The following CCDC190 variants were observed in gnomAD, a reference collection of about 807,000 sequenced individuals.
The protein encoded by CCDC190 is coiled-coil domain-containing protein 190.
A neutral mutation model predicts 13.1 loss-of-function variants in CCDC190; 10 were observed. The observed-to-expected ratio is 0.77, with a 90% CI of 0.47 to 1.30. The LOEUF (loss-of-function observed/expected upper bound fraction) is 1.30, where lower values mean the gene tolerates loss of function less well. CCDC190 is among the 50% of genes most tolerant of loss of function. The pLI is 0.00. For synonymous variants in CCDC190, 136 were observed against 127.2 expected, an observed-to-expected ratio of 1.07 and a Z score of -0.47; for missense variants, 375 against 354.3, an observed-to-expected ratio of 1.06 and a Z score of -0.47.
At chr1:162,866,708 T>C (rs1425592221) in intron 1 of CCDC190, among the ~76,000 whole-genome samples, 1 of 152,184 alleles carries the variant, frequency 6.6e-6, no homozygotes, top group Non-Finnish European at 1.5e-5. Context: ...TCTAATGCTA[T>C]AGTCAATAAG....
chr1:162,857,444 G>A (rs1486199025), intron 2 of CCDC190, among the ~76,000 whole-genome samples: 1 of 152,124 alleles, frequency 6.6e-6, no homozygotes, highest in East Asian at 1.9e-4. Context: ...GGAGACATTG[G>A]CTATTTTGTG....
At chr1:162,856,066 A>G in intron 2 of CCDC190, 1 of 193,722 alleles carries the variant, frequency 5.2e-6, no homozygotes. Flanking sequence ...TTTCAGAAGG[A>G]ACCAGCATGT....
chr1:162,868,034 A>G (rs747811049), intron 1 of CCDC190, among the ~76,000 whole-genome samples: 1 of 152,196 alleles, frequency 6.6e-6, no homozygotes, highest in Non-Finnish European at 1.5e-5. Flanking sequence ...TAAGGACTTA[A>G]ACTGTGAATT....
At chr1:162,868,729 T>TGGAGAAACTGAAG (rs369106791) in exon 1 of CCDC190, 97 of 151,646 alleles carry the variant, frequency 6.4e-4, no homozygotes, top group African/African-American at 6.8e-4. Context: ...GGGGGCTCAC[T>TGGAGAAACTGAAG]GCATCTCCTA....
At position 162,859,506 on chromosome 1, in the gene CCDC190, G is replaced by C. The variant is rs1211235026; in HGVS notation, c.141C>G (p.Thr47=). The C allele has an allele frequency of 6.2e-7, 1 of 1,613,686 alleles. No homozygotes were observed. The highest frequency in any genetic ancestry group is 8.5e-7 in the Non-Finnish European group (1 of 1,179,764). ...CTTTTTGGAGCTGCCTCTGCTCCCA[G>C]GTCAGCAATTTCACATGGTAGAGGC... The part of the protein sequence containing the change: ...VICLYHVKLL[T]WEQRQLQKEL... Residue 47 remains threonine (T), a synonymous_variant, in exon 2 of 4, where the codon ACC becomes ACG. Coordinates refer to ENST00000367912, the MANE Select transcript of CCDC190 (RefSeq NM_001394065.1).
chr1:162,868,181 T>G (rs1448319971), intron 1 of CCDC190, among the ~76,000 whole-genome samples: 1 of 152,178 alleles, frequency 6.6e-6, no homozygotes, highest in Non-Finnish European at 1.5e-5. Context: ...AGGATGTATT[T>G]GAAGCAGAAA....
In CCDC190 at chr1:162,861,011, C is replaced by T. The variant is rs928709582; in HGVS notation, c.-16G>A. 9.1e-6 allele frequency: 9 copies of T among 984,766 alleles called. No homozygotes were observed. The African/African-American group carries it at 1.6e-4, about 17-fold the overall frequency. The allele number at this position is 984,766 out of a possible 1,614,324, so 61.0% of individuals were successfully genotyped here. On this transcript the variant is annotated 5_prime_UTR_variant, in exon 1 of 4. Coordinates refer to ENST00000367912, the MANE Select transcript of CCDC190 (RefSeq NM_001394065.1). Reference sequence around the variant, plus strand: ...GAACAGGGCCAGTAGAACTTACCTCCAAATCCAGAGTTTTCACCATGAGAC... The same window carrying T: ...GAACAGGGCCAGTAGAACTTACCTCTAAATCCAGAGTTTTCACCATGAGAC...
At position 162,855,154 on chromosome 1, in the gene CCDC190, C is replaced by T. The variant is rs200534408; in HGVS notation, c.517G>A (p.Gly173Ser). 6.2e-7 allele frequency: 1 copy of T among 1,613,842 alleles called. No homozygotes were observed. The highest frequency in any genetic ancestry group is 8.5e-7 in the Non-Finnish European group (1 of 1,179,858). Residue 173 changes from glycine (G) to serine (S), a missense_variant, in exon 4 of 4, where the codon GGC (glycine) becomes AGC (serine). Physicochemically the swap from Gly to Ser is moderately conservative, Grantham distance 56. Transcript: ENST00000367912. ...TGATTTTGGCATGGAACAGAGATGC[C>T]CTTGCTGGGGTCTACGTCCTTAGAT... Reference protein sequence around the residue: ...NPSKDVDPSKGISVPCQNQEV... With the variant: ...NPSKDVDPSKSISVPCQNQEV...
rs1451305025 is a variant in CCDC190, at chr1:162,852,136, G to A, written c.*2629C>T. ...CAATCTTGGCGCTATTGATGTTTCGGGCTTGTTAATTCTTTGTTTTAGAGG... is the reference window on the plus strand; with the variant it reads ...CAATCTTGGCGCTATTGATGTTTCGAGCTTGTTAATTCTTTGTTTTAGAGG... On this transcript the variant is annotated 3_prime_UTR_variant, in exon 4 of 4. Coordinates refer to ENST00000367912, the MANE Select transcript of CCDC190 (RefSeq NM_001394065.1). 1 of 152,192 alleles carries A rather than the reference G, an allele frequency of 6.6e-6. No individual in the cohort carries two copies. The highest frequency in any genetic ancestry group is 6.5e-5 in the Admixed American group (1 of 15,290). 9.4% of individuals were successfully genotyped at this position (152,192 alleles called of 1,614,324 possible). A position where few individuals can be genotyped will look rare whatever the true frequency, so the allele number is the denominator to read the frequency against.
chr1:162,868,352 T>C (rs1779995), intron 1 of CCDC190, among the ~76,000 whole-genome samples: 118,802 of 152,156 alleles, frequency 0.78, 47,392 homozygotes, highest in Non-Finnish European at 0.87. Flanking sequence ...AAAAGAACAG[T>C]TAATTGTTCT....
exon 1 of CCDC190, chr1:162,868,729 T>TGGAGAAACTGAA (rs369106791): frequency 7.2e-5 from 11 of 152,440 alleles, no homozygotes; most frequent in Non-Finnish European, 8.8e-5. Context: ...GGGGGCTCAC[T>TGGAGAAACTGAA]GCATCTCCTA....
rs766678002 is a variant in CCDC190, at chr1:162,859,529, G to A, written c.118C>T (p.Leu40Phe). The A allele has an allele frequency of 6.2e-7, 1 of 1,613,824 alleles. No homozygotes were observed. The highest frequency in any genetic ancestry group is 8.5e-7 in the Non-Finnish European group (1 of 1,179,834). Residue 40 changes from leucine to phenylalanine, a missense_variant, in exon 2 of 4, where the codon CTC (leucine) becomes TTC (phenylalanine). Leu to Phe is a conservative substitution (Grantham distance 22). Coordinates refer to ENST00000367912, the MANE Select transcript of CCDC190 (RefSeq NM_001394065.1). Reference protein sequence around the residue: ...QRLQRLKVICLYHVKLLTWEQ... With the variant: ...QRLQRLKVICFYHVKLLTWEQ... ...CAGGTCAGCAATTTCACATGGTAGA[G>A]GCAAATAACCTTTAGTCTCTGCAGT...
At position 162,861,003 on chromosome 1, in the gene CCDC190, C is replaced by T. The variant is rs1650491459; in HGVS notation, c.-13+5G>A. ...TTATTAAAGAACAGGGCCAGTAGAA[C>T]TTACCTCCAAATCCAGAGTTTTCAC... On this transcript the variant is annotated splice_donor_5th_base_variant and intron_variant, in intron 1 of 3. Transcript: ENST00000367912. 1.0e-6 allele frequency: 1 copy of T among 984,444 alleles called. No individual in the cohort carries two copies. The highest frequency in any genetic ancestry group is 4.7e-5 in the South Asian group (1 of 21,260). 61.0% of individuals were successfully genotyped at this position (984,444 alleles called of 1,614,324 possible).
In CCDC190 at chr1:162,851,441, C is replaced by T. The variant is rs1222450949; in HGVS notation, c.*3324G>A. ...GCAAAACACTTGCCCAAGCGTGATT[C>T]CCTCTGTCCTTCCTTCAAGGCTCAT... is the stretch of plus-strand genomic sequence containing the variant. On this transcript the variant is annotated 3_prime_UTR_variant, in exon 4 of 4. Coordinates refer to ENST00000367912, the MANE Select transcript of CCDC190 (RefSeq NM_001394065.1). The T allele has an allele frequency of 6.6e-6, 1 of 152,042 alleles. No individual in the cohort carries two copies. The highest frequency in any genetic ancestry group is 1.5e-5 in the Non-Finnish European group (1 of 68,074). 9.4% of individuals were successfully genotyped at this position (152,042 alleles called of 1,614,324 possible).
Position 162,854,758 on chromosome 1 carries a change from T to G in CCDC190, c.*7A>C. On this transcript the variant is annotated 3_prime_UTR_variant, in exon 4 of 4. Coordinates refer to ENST00000367912, the MANE Select transcript of CCDC190 (RefSeq NM_001394065.1). ...GGCATATGTTATTGTCAGGCTATGTTAAACGGTTAGAGAGGAAGAAACTTA... is the reference window on the plus strand; with the variant it reads ...GGCATATGTTATTGTCAGGCTATGTGAAACGGTTAGAGAGGAAGAAACTTA... 1 of 1,596,412 alleles carries G rather than the reference T, an allele frequency of 6.3e-7. No individual in the cohort carries two copies. Among genetic ancestry groups the G allele is most frequent in the Non-Finnish European group, 8.5e-7 (1 of 1,169,880 alleles).
chr1:162,863,494 T>A (rs1650592913), upstream of CCDC190, among the ~76,000 whole-genome samples: 2 of 67,504 alleles, frequency 3.0e-5, no homozygotes, highest in Non-Finnish European at 4.8e-5. Flanking sequence ...GCAGAAAAAA[T>A]TCATGAAATT....
In CCDC190 at chr1:162,855,038, T is replaced by C. The variant is rs754616520; in HGVS notation, c.633A>G (p.Lys211=). 6 of 1,614,064 alleles carry C rather than the reference T, an allele frequency of 3.7e-6. No homozygotes were observed. In the South Asian group the frequency reaches 6.6e-5, roughly 18 times the overall value. Residue 211 remains lysine (K), a synonymous_variant, in exon 4 of 4, where the codon AAA becomes AAG. Coordinates refer to ENST00000367912, the MANE Select transcript of CCDC190 (RefSeq NM_001394065.1). ...TCCCATCTGGCTTTAGAGCAACATC[T>C]TTTGATCTGGTCTCATCAGCACATG... is the stretch of plus-strand genomic sequence containing the variant. ...GMACADETRS[K]DVALKPDGNT...
In CCDC190 at chr1:162,859,505, A is replaced by G. The variant is rs1309814225; in HGVS notation, c.142T>C (p.Trp48Arg). The G allele has an allele frequency of 6.2e-7, 1 of 1,613,760 alleles. No homozygotes were observed. Among genetic ancestry groups the G allele is most frequent in the Non-Finnish European group, 8.5e-7 (1 of 1,179,792 alleles). ...TCTTTTTGGAGCTGCCTCTGCTCCCAGGTCAGCAATTTCACATGGTAGAGG... is the reference window on the plus strand; with the variant it reads ...TCTTTTTGGAGCTGCCTCTGCTCCCGGGTCAGCAATTTCACATGGTAGAGG... ...ICLYHVKLLT[W>R]EQRQLQKELQ... Residue 48 changes from tryptophan (W) to arginine (R), a missense_variant, in exon 2 of 4, where the codon TGG (tryptophan) becomes CGG (arginine). Transcript: ENST00000367912.
chr1:162,860,291 C>T (rs1348963132), intron 1 of CCDC190, among the ~76,000 whole-genome samples: 4 of 152,120 alleles, frequency 2.6e-5, no homozygotes, highest in Non-Finnish European at 5.9e-5. Context: ...GAACAGCATC[C>T]ACGATGAGTA....
Sources: allele counts gnomAD v4.1 joint callset (sites outside exome capture counted in the v4.1 genomes callset), GRCh38; gene constraint gnomAD v4.1.1; transcripts MANE v1.5; gene names NCBI Gene and HGNC (gene_info 2026-07-23, HGNC 2026-07-21).